EP300: variants seen among roughly 807,000 people sequenced by gnomAD.
The protein encoded by EP300 is histone acetyltransferase p300.
Under a neutral mutation model 264.0 loss-of-function variants are expected in EP300, and 31 were observed. The observed-to-expected ratio is 0.12, with a 90% CI of 0.09 to 0.16. The LOEUF is 0.16. Ranked by LOEUF, EP300 falls within the 10% of genes least tolerant of loss-of-function variation. The pLI, the probability that EP300 is intolerant of heterozygous loss-of-function variation, is 1.00. For synonymous variants in EP300, 1,340 were observed against 1,045.4 expected, an observed-to-expected ratio of 1.28 and a Z score of -5.44; for missense variants, 2,766 against 3,052.9, an observed-to-expected ratio of 0.91 and a Z score of 2.21.
intron 2 of EP300, 144 bp from the exon 3 acceptor site, chr22:41,125,720 G>C (rs1482313624): frequency 1.2e-6 from 1 of 860,932 alleles, no homozygotes. Context: ...TTGTCACGTT[G>C]CCCAAGCTGT....
chr22:41,110,526 C>G (rs1163791139), intron 1 of EP300, among the ~76,000 whole-genome samples: 1 of 151,598 alleles, frequency 6.6e-6, no homozygotes, highest in Non-Finnish European at 1.5e-5. Context: ...CACCTGGCCT[C>G]AAGTGATCCA....
In EP300 at chr22:41,096,209, A is replaced by G. The variant is rs577102769; in HGVS notation, c.94+3111A>G. ...CCACTTGTAAACTTTTTTTGTAAAA[A>G]TGACCAAAAGACTGGAAAAGTTAAT... On this transcript the variant is annotated intron_variant, in intron 1 of 30. Coordinates refer to ENST00000263253, the MANE Select transcript of EP300 (RefSeq NM_001429.4). 1.8e-4 allele frequency among the ~76,000 whole-genome samples: 28 copies of G among 152,230 alleles called. 1 individual carries two copies. The South Asian group carries it at 5.8e-3, about 32-fold the overall frequency.
intron 23 of EP300, among the ~76,000 whole-genome samples, chr22:41,167,352 A>C (rs1457637627): frequency 6.6e-6 from 1 of 151,892 alleles, no homozygotes; most frequent in African/African-American, 2.4e-5. Context: ...ATTGTTTTCT[A>C]CTGTGCCAGG....
intron 4 of EP300, 25 bp downstream of exon 4, chr22:41,127,773 T>C (rs1317367387): frequency 6.2e-7 from 1 of 1,613,788 alleles, no homozygotes; most frequent in Non-Finnish European, 8.5e-7. Flanking sequence ...AGGGTTACTG[T>C]ACTTAGCAAT....
At chr22:41,129,168 G>GC (rs58881701) in intron 4 of EP300, among the ~76,000 whole-genome samples, 93,267 of 151,120 alleles carry the variant, frequency 0.62, 29,261 homozygotes, top group East Asian at 0.83. Context: ...CCGCCACCAT[G>GC]GCGGCTAATT....
intron 18 of EP300, 89 bp downstream of exon 18, chr22:41,157,497 C>G: frequency 3.6e-6 from 3 of 830,790 alleles, no homozygotes; most frequent in Non-Finnish European, 5.6e-6. Context: ...TATCCTGCTT[C>G]TGGCTTTGAC....
chr22:41,121,604 T>G (rs2145702179), intron 2 of EP300, among the ~76,000 whole-genome samples: 1 of 152,220 alleles, frequency 6.6e-6, no homozygotes, highest in East Asian at 1.9e-4. Flanking sequence ...TAGTCTGCCA[T>G]AGAGGAGCTT....
At chr22:41,151,693 GC>G (rs1319916240) in intron 14 of EP300, 139 bp from the exon 15 acceptor site, 5 of 842,776 alleles carry the variant, frequency 5.9e-6, no homozygotes, top group Non-Finnish European at 9.8e-6. Context: ...AATGGGCAGA[GC>G]AAATGAAAGC....
intron 17 of EP300, among the ~76,000 whole-genome samples, chr22:41,156,283 G>C (rs2059076501): frequency 6.6e-6 from 1 of 152,146 alleles, no homozygotes; most frequent in Non-Finnish European, 1.5e-5. Context: ...AGAATGCCCA[G>C]ATTACAGGCG....
intron 17 of EP300, among the ~76,000 whole-genome samples, chr22:41,156,068 A>G (rs753006161): frequency 1.3e-5 from 2 of 151,848 alleles, no homozygotes; most frequent in East Asian, 1.9e-4. Context: ...CTAGAGTGCA[A>G]TGGCGCAATC....
At chr22:41,151,201 A>T (rs750141806) in intron 14 of EP300, among the ~76,000 whole-genome samples, 1 of 152,148 alleles carries the variant, frequency 6.6e-6, no homozygotes, top group Non-Finnish European at 1.5e-5. Flanking sequence ...TACTTGACGG[A>T]TGGCTGGTTC....
At chr22:41,126,320 C>G (rs1428134492) in intron 3 of EP300, 1 of 395,786 alleles carries the variant, frequency 2.5e-6, no homozygotes, top group Non-Finnish European at 4.6e-6. Flanking sequence ...GCAACTTGGT[C>G]TTGTGAGCGT....
At chr22:41,155,511 G>A (rs2059072080) in intron 17 of EP300, among the ~76,000 whole-genome samples, 4 of 152,176 alleles carry the variant, frequency 2.6e-5, no homozygotes. Flanking sequence ...TGGAATTACA[G>A]GTGTGAGCCA....
At chr22:41,156,710 T>C (rs2059079355) in intron 17 of EP300, among the ~76,000 whole-genome samples, 1 of 152,140 alleles carries the variant, frequency 6.6e-6, no homozygotes, top group Non-Finnish European at 1.5e-5. Flanking sequence ...GGGCAACATG[T>C]TGACAGAGAC....
At chr22:41,099,740 C>T (rs944796147) in intron 1 of EP300, among the ~76,000 whole-genome samples, 1 of 152,188 alleles carries the variant, frequency 6.6e-6, no homozygotes, top group African/African-American at 2.4e-5. Context: ...TAGGGACTGT[C>T]ATTAAGTAAA....
At chr22:41,160,516 G>A (rs751334574) in intron 19 of EP300, 126 bp from the exon 20 acceptor site, 30 of 793,724 alleles carry the variant, frequency 3.8e-5, no homozygotes, top group Non-Finnish European at 5.3e-5. Context: ...CCTTGTCGCC[G>A]TTGATGACCT....
chr22:41,125,987 T>A lies in EP300; in HGVS notation c.853T>A (p.Ser285Thr), dbSNP rs761504502. ...AAAAACTGTACTATCAAATAACTTA[T>A]CTCCATTTGCTATGGACAAAAAGGC... ...QTKTVLSNNL[S>T]PFAMDKKAVP... The change falls in exon 3 of 31, where the codon TCT becomes ACT. Residue 285 changes from serine (S) to threonine (T), a missense_variant. Physicochemically the swap from Ser to Thr is moderately conservative, Grantham distance 58. Transcript: ENST00000263253. 6.2e-7 allele frequency: 1 copy of A among 1,614,188 alleles called. No individual in the cohort carries two copies. The highest frequency in any genetic ancestry group is 8.5e-7 in the Non-Finnish European group (1 of 1,180,032).
intron 25 of EP300, 50 bp downstream of exon 25, chr22:41,168,917 C>CT (rs749637119): frequency 1.1e-5 from 17 of 1,612,334 alleles, no homozygotes; most frequent in Non-Finnish European, 1.4e-5. Flanking sequence ...GGAGTTCCAA[C>CT]TTATAATAGG....
Position 41,162,905 on chromosome 22 carries a change from T to C in EP300, c.3728+126T>C. 1.4e-5 allele frequency: 11 copies of C among 771,090 alleles called. No homozygotes were observed. In the South Asian group the frequency reaches 1.6e-4, roughly 11 times the overall value. 47.8% of individuals were successfully genotyped at this position (771,090 alleles called of 1,614,324 possible). A position where few individuals can be genotyped will look rare whatever the true frequency, so the allele number is the denominator to read the frequency against. Reference sequence around the variant, plus strand: ...GGGCTAAATCTACATAACATACATCTAATGGATAGTAAAACCATGGAAAAC... The same window carrying C: ...GGGCTAAATCTACATAACATACATCCAATGGATAGTAAAACCATGGAAAAC... On this transcript the variant is annotated intron_variant, in intron 21 of 30. Coordinates refer to ENST00000263253, the MANE Select transcript of EP300 (RefSeq NM_001429.4).
Sources: gnomAD v4.1 joint callset for allele counts (sites outside exome capture counted in the v4.1 genomes callset) on GRCh38, gnomAD v4.1.1 for gene constraint, MANE v1.5 for transcripts, NCBI Gene and HGNC (gene_info 2026-07-23, HGNC 2026-07-21) for gene names.